The following SH3BP1 variants were observed in gnomAD, a reference collection of about 807,000 sequenced individuals.
The protein encoded by SH3BP1 is SH3 domain-binding protein 1.
SH3BP1 carries 46 observed loss-of-function variants against 69.8 expected under a neutral mutation model. The observed-to-expected ratio is 0.66, with a 90% CI of 0.52 to 0.84. The LOEUF is 0.84. SH3BP1 is among the 40% of genes least tolerant of loss of function. SH3BP1 has a pLI of 0.00. For missense variants in SH3BP1, 868 were observed against 930.9 expected (o/e 0.93, Z 0.88); for synonymous variants, 403 against 378.0 (o/e 1.07, Z -0.77).
intron 11 of SH3BP1, 110 bp from the exon 12 acceptor site, chr22:37,647,157 C>T (rs550014485): frequency 1.7e-5 from 17 of 985,146 alleles, no homozygotes; most frequent in South Asian, 1.6e-4. Context: ...CCCAAAGAAA[C>T]TGTCAGACCT....
intron 13 of SH3BP1, 101 bp downstream of exon 13, chr22:37,647,622 C>G: frequency 2.6e-6 from 2 of 774,968 alleles, no homozygotes; most frequent in Non-Finnish European, 3.8e-6. Flanking sequence ...GCCACTGTAT[C>G]CTAAGAAATA....
chr22:37,647,442 C>A lies in SH3BP1; in HGVS notation c.1120C>A (p.Leu374Met). Residue 374 changes from leucine (L) to methionine (M), a missense_variant and splice_region_variant, in exon 13 of 18, where the codon CTG (leucine) becomes ATG (methionine). Leu to Met is a conservative substitution (Grantham distance 15). This residue lies in a region of SH3BP1 where 474 missense variants were observed against 462.3 expected (regional missense o/e 1.03). Transcript: ENST00000649765. ...LYDDWMRAAS[L>M]KEPGARLQAL... is the part of the protein sequence containing the mutation. ...ACAGGTCTCTCCACTCCCCCCCAGC[C>A]TGAAGGAGCCAGGGGCCCGGCTGCA... 3 of 1,612,506 alleles carry A rather than the reference C, an allele frequency of 1.9e-6. No individual in the cohort carries two copies. The highest frequency in any genetic ancestry group is 2.5e-6 in the Non-Finnish European group (3 of 1,179,442).
intron 10 of SH3BP1, 99 bp downstream of exon 10, chr22:37,645,609 A>G (rs1932772673): frequency 7.3e-7 from 1 of 1,363,920 alleles, no homozygotes; most frequent in East Asian, 2.4e-5. Flanking sequence ...TAATTCCCTC[A>G]TTCGAGCCCA....
chr22:37,640,305 T>TA (rs1932537043), intron 1 of SH3BP1: 1 of 154,818 alleles, frequency 6.5e-6, no homozygotes, highest in Admixed American at 6.5e-5. Flanking sequence ...AGGAGGGGCC[T>TA]GCCCCTGGCC....
intron 16 of SH3BP1, among the ~76,000 whole-genome samples, chr22:37,652,749 G>A (rs927413558): frequency 4.7e-5 from 7 of 148,966 alleles, no homozygotes; most frequent in East Asian, 2.0e-4. Flanking sequence ...GGCTTGAACC[G>A]GGGAGGCAGA....
chr22:37,641,513 C>A, intron 3 of SH3BP1, 35 bp downstream of exon 3: 1 of 1,498,726 alleles, frequency 6.7e-7, no homozygotes, highest in South Asian at 1.2e-5. Flanking sequence ...GGGGCCTGAG[C>A]AGGAGACTTC....
At position 37,655,500 on chromosome 22, in the gene SH3BP1, C is replaced by G. The variant is rs1477862635; in HGVS notation, c.1922C>G (p.Ser641Cys). The G allele has an allele frequency of 6.4e-7, 1 of 1,558,900 alleles. No individual in the cohort carries two copies. The highest frequency in any genetic ancestry group is 8.7e-7 in the Non-Finnish European group (1 of 1,151,690). Residue 641 changes from serine (S) to cysteine (C), a missense_variant, in exon 18 of 18, where the codon TCC (serine) becomes TGC (cysteine). This residue lies in a region of SH3BP1 where 474 missense variants were observed against 462.3 expected (regional missense o/e 1.03). Transcript: ENST00000649765. ...ARRQSRRSPA[S>C]PSPASPGPAS... ...CGCCAAAGCCGGCGTTCACCAGCCTCCCCCAGCCCGGCCTCCCCAGGTCCA... is the reference window on the plus strand; with the variant it reads ...CGCCAAAGCCGGCGTTCACCAGCCTGCCCCAGCCCGGCCTCCCCAGGTCCA...
At position 37,647,240 on chromosome 22, in the gene SH3BP1, C is replaced by T. The variant is rs1175900822; in HGVS notation, c.1037-27C>T. On this transcript the variant is annotated intron_variant, in intron 11 of 17. Coordinates refer to ENST00000649765, the MANE Select transcript of SH3BP1 (RefSeq NM_018957.6). ...GTGGGAGAGCGGGTGGGGGCTGCCT[C>T]TGACCCTCCCCACACCCCTCCTTCA... The T allele has an allele frequency of 3.7e-6, 6 of 1,607,918 alleles. No homozygotes were observed. The South Asian group carries it at 6.6e-5, about 18-fold the overall frequency.
rs759200346 is a variant in SH3BP1 at position 37,645,417 on chromosome 22, G to A, written c.831G>A (p.Ser277=). 83 of 1,613,702 alleles carry A rather than the reference G, an allele frequency of 5.1e-5. No individual in the cohort carries two copies. The highest frequency in any genetic ancestry group is 1.1e-4 in the South Asian group (10 of 91,064). ...ATHFPRVYGV[S]LATHLQELGR... ...ACTTCCCCAGGGTGTATGGGGTGTC[G>A]CTGGCAACCCACCTGCAAGAGCTGG... is the stretch of plus-strand genomic sequence containing the variant. The change falls in exon 10 of 18, where the codon TCG becomes TCA. Residue 277 remains serine (S), a synonymous_variant. Coordinates refer to ENST00000649765, the MANE Select transcript of SH3BP1 (RefSeq NM_018957.6).
intron 17 of SH3BP1, among the ~76,000 whole-genome samples, chr22:37,654,124 G>A (rs1293985785): frequency 1.3e-5 from 2 of 152,212 alleles, no homozygotes; most frequent in African/African-American, 4.8e-5. Context: ...GGGCTGCATG[G>A]AGCCTGCAGT....
At position 37,647,526 on chromosome 22, in the gene SH3BP1, G is replaced by A. The variant is rs1047341987; in HGVS notation, c.1199+5G>A. On this transcript the variant is annotated splice_donor_5th_base_variant and intron_variant, in intron 13 of 17. Transcript: ENST00000649765. ...CGAGAACCTCAGCAACCTCAGGTGA[G>A]CCCGAGCCCGCCTCCCCAGCCTGCC... is the stretch of plus-strand genomic sequence containing the variant. 6.3e-7 allele frequency: 1 copy of A among 1,589,188 alleles called. No homozygotes were observed. The highest frequency in any genetic ancestry group is 1.7e-5 in the Admixed American group (1 of 58,184).
chr22:37,646,263 C>CT lies in SH3BP1; in HGVS notation c.925-542dup, dbSNP rs1273709050. Among the ~76,000 whole-genome samples the CT allele has an allele frequency of 5.5e-3, 729 of 133,504 alleles. 8 individuals carry two copies. Among genetic ancestry groups the CT allele is most frequent in the Admixed American group, 0.028 (361 of 13,116 alleles). The allele number at this position is 133,504 out of a possible 152,430, so 87.6% of individuals were successfully genotyped here. On this transcript the variant is annotated intron_variant, in intron 10 of 17. Coordinates refer to ENST00000649765, the MANE Select transcript of SH3BP1 (RefSeq NM_018957.6). ...CAGGCATGAGCCACTGCGCCCGACC[C>CT]TTTTTTTTTTTTTGAGACAGGATCT...
intron 14 of SH3BP1, chr22:37,648,700 CTT>C (rs993648456): frequency 0.081 from 12,722 of 156,766 alleles, 455 homozygotes; most frequent in East Asian, 0.2. Context: ...AGATCGGGTT[CTT>C]TTTTTTTTTT....
intron 5 of SH3BP1, 34 bp from the exon 6 acceptor site, chr22:37,643,064 C>A: frequency 6.2e-7 from 1 of 1,608,656 alleles, no homozygotes; most frequent in Non-Finnish European, 8.5e-7. Flanking sequence ...TCCCTCCTCC[C>A]CCAGCACACT....
chr22:37,644,293 C>T (rs1032590475), intron 7 of SH3BP1, among the ~76,000 whole-genome samples: 2 of 152,294 alleles, frequency 1.3e-5, no homozygotes, highest in Non-Finnish European at 2.9e-5. Context: ...GCAGGAGAAT[C>T]GCTTGAGCCC....
At chr22:37,653,594 G>A (rs1932931917) in intron 16 of SH3BP1, among the ~76,000 whole-genome samples, 185 bp from the exon 17 acceptor site, 1 of 152,036 alleles carries the variant, frequency 6.6e-6, no homozygotes, top group Non-Finnish European at 1.5e-5. Context: ...CAGGGGCTCA[G>A]TGGATGCAGA....
chr22:37,645,090 T>C, intron 9 of SH3BP1, 130 bp downstream of exon 9: 1 of 914,982 alleles, frequency 1.1e-6, no homozygotes, highest in Non-Finnish European at 1.7e-6. Flanking sequence ...GCTCAATCTG[T>C]GATGGAGAGG....
At chr22:37,653,341 C>T (rs1249377574) in intron 16 of SH3BP1, among the ~76,000 whole-genome samples, 2 of 152,054 alleles carry the variant, frequency 1.3e-5, no homozygotes, top group Admixed American at 6.5e-5. Flanking sequence ...GAGGCTGAGG[C>T]AGGATAATTG....
chr22:37,650,856 T>C, intron 16 of SH3BP1, 131 bp downstream of exon 16: 1 of 1,247,472 alleles, frequency 8.0e-7, no homozygotes, highest in Non-Finnish European at 1.1e-6. Flanking sequence ...AAAGACCGGA[T>C]CTCCTAGTTT....
Sources: gnomAD v4.1 joint callset for allele counts (sites outside exome capture counted in the v4.1 genomes callset) on GRCh38, gnomAD v4.1.1 for gene constraint, gnomAD v4.1.1 regional missense constraint, MANE v1.5 for transcripts, NCBI Gene and HGNC (gene_info 2026-07-23, HGNC 2026-07-21) for gene names.